The following ERG variants were observed in gnomAD, a reference collection of about 807,000 sequenced individuals.
ERG encodes ETS transcription factor ERG, also known as transcriptional regulator ERG.
In ERG, 9 loss-of-function variants were observed where a neutral mutation model predicts 55.3. The ratio of observed to expected loss-of-function variants is 0.16; its 90% CI spans 0.10 to 0.28. The LOEUF (loss-of-function observed/expected upper bound fraction) is 0.28, where lower values mean the gene tolerates loss of function less well. ERG is among the 10% of genes least tolerant of loss of function. ERG has a pLI of 1.00. For missense variants in ERG, 434 were observed against 631.6 expected (o/e 0.69, Z 3.35); for synonymous variants, 223 against 237.3 (o/e 0.94, Z 0.55).
At chr21:38,633,721 A>G (rs1031364018) in intron 1 of ERG, among the ~76,000 whole-genome samples, 3 of 152,198 alleles carry the variant, frequency 2.0e-5, no homozygotes, top group African/African-American at 7.2e-5. Context: ...GGATGAAAAT[A>G]AAAAGTAGAA....
At chr21:38,390,560 G>C (rs1225427917) in intron 9 of ERG, among the ~76,000 whole-genome samples, 2 of 152,172 alleles carry the variant, frequency 1.3e-5, no homozygotes, top group African/African-American at 4.8e-5. Flanking sequence ...GACACACACA[G>C]AGAGATGATG....
At chr21:38,636,602 C>T (rs532663903) in intron 1 of ERG, among the ~76,000 whole-genome samples, 20 of 152,204 alleles carry the variant, frequency 1.3e-4, no homozygotes, top group African/African-American at 4.8e-4. Flanking sequence ...CTATAAAAGC[C>T]GGAGGGAAGC....
chr21:38,657,487 C>T (rs905584199), intron 1 of ERG, among the ~76,000 whole-genome samples: 1 of 152,144 alleles, frequency 6.6e-6, no homozygotes, highest in Admixed American at 6.5e-5. Flanking sequence ...TTTTAGCTCA[C>T]CCTCCTTCAC....
intron 1 of ERG, among the ~76,000 whole-genome samples, chr21:38,450,220 GA>G (rs5843907): frequency 0.92 from 137,556 of 149,556 alleles, 63,289 homozygotes; most frequent in South Asian, 0.98. Flanking sequence ...AAAAAACAAA[GA>G]AAAAAAAATA....
intron 2 of ERG, among the ~76,000 whole-genome samples, chr21:38,524,534 T>A (rs1011669860): frequency 2.6e-5 from 4 of 152,230 alleles, no homozygotes; most frequent in African/African-American, 9.6e-5. Flanking sequence ...TGTTCACCAA[T>A]GAAACCTGAA....
At chr21:38,423,331 G>A (rs1268257314) in intron 3 of ERG, 79 bp downstream of exon 3, 2 of 1,455,160 alleles carry the variant, frequency 1.4e-6, no homozygotes, top group Non-Finnish European at 1.9e-6. Context: ...ACAGGTGGGG[G>A]AGAAGAGCTC....
At chr21:38,656,953 A>G (rs1222057108) in intron 1 of ERG, among the ~76,000 whole-genome samples, 2 of 152,216 alleles carry the variant, frequency 1.3e-5, no homozygotes, top group Non-Finnish European at 2.9e-5. Context: ...AAAAGGGAGC[A>G]CATATAAGAC....
chr21:38,451,201 G>A (rs747643765), intron 1 of ERG: 12 of 509,396 alleles, frequency 2.4e-5, no homozygotes, highest in East Asian at 5.5e-5. Flanking sequence ...CCTGGATCTG[G>A]GATGGAATAA....
chr21:38,530,795 G>A lies in ERG; in HGVS notation c.-41+44867C>T, dbSNP rs564882871. Among the ~76,000 whole-genome samples, 8 of 152,280 alleles carry A rather than the reference G, an allele frequency of 5.3e-5. No homozygotes were observed. In the South Asian group the frequency reaches 1.7e-3, roughly 32 times the overall value. ...GTCTTTAAAACGTTGAAAATGTAAA[G>A]ATCTGCAAGAGCAACTGATCTTCAA... On this transcript the variant is annotated intron_variant, in intron 2 of 8. Coordinates refer to the ERG transcript ENST00000398897.
At chr21:38,575,784 C>G (rs1568925453) in intron 1 of ERG, 1 of 1,462,764 alleles carries the variant, frequency 6.8e-7, no homozygotes. Context: ...TAATAATAAA[C>G]AACTGCATTT....
chr21:38,621,446 C>T (rs2060289723), intron 1 of ERG, among the ~76,000 whole-genome samples: 1 of 152,122 alleles, frequency 6.6e-6, no homozygotes, highest in African/African-American at 2.4e-5. Context: ...TGCCCCTTGC[C>T]ATCTCCCCGC....
intron 3 of ERG, among the ~76,000 whole-genome samples, chr21:38,412,612 T>A (rs890422479): frequency 1.3e-5 from 2 of 152,214 alleles, no homozygotes; most frequent in Non-Finnish European, 2.9e-5. Flanking sequence ...ATCCATTTTT[T>A]AAATTAAATC....
intron 2 of ERG, among the ~76,000 whole-genome samples, chr21:38,528,703 C>T (rs1420140140): frequency 6.9e-6 from 1 of 144,370 alleles, no homozygotes. Flanking sequence ...CCGCCTCGGC[C>T]TCCCAAAGTG....
chr21:38,531,711 A>T (rs1385800461), intron 2 of ERG, among the ~76,000 whole-genome samples: 1 of 152,232 alleles, frequency 6.6e-6, no homozygotes, highest in Non-Finnish European at 1.5e-5. Context: ...AATTCAATTT[A>T]AAAAATCATG....
chr21:38,402,892 C>A (rs1369649536), intron 4 of ERG, among the ~76,000 whole-genome samples: 3 of 152,068 alleles, frequency 2.0e-5, no homozygotes, highest in Non-Finnish European at 4.4e-5. Flanking sequence ...CCAGGCAAAG[C>A]AATGGAGGAG....
At chr21:38,540,343 G>T in intron 2 of ERG, among the ~76,000 whole-genome samples, 1 of 152,032 alleles carries the variant, frequency 6.6e-6, no homozygotes, top group East Asian at 1.9e-4. Context: ...AAACATTTTT[G>T]TCACCCCAAA....
intron 1 of ERG, among the ~76,000 whole-genome samples, chr21:38,608,931 A>C: frequency 6.6e-6 from 1 of 152,224 alleles, no homozygotes; most frequent in Non-Finnish European, 1.5e-5. Flanking sequence ...GGATGTTTTG[A>C]AATACTCATC....
downstream of ERG, among the ~76,000 whole-genome samples, chr21:38,375,658 C>A (rs1987221232): frequency 1.3e-5 from 2 of 152,216 alleles, no homozygotes; most frequent in South Asian, 2.1e-4. Context: ...GGTGAAATCA[C>A]AACCTGTAAA....
chr21:38,468,982 C>CAAAAAAAAAAAAAAAAAAAA (rs1261630693), intron 1 of ERG, among the ~76,000 whole-genome samples: 4 of 29,028 alleles, frequency 1.4e-4, no homozygotes, highest in Admixed American at 4.0e-4. Flanking sequence ...GACTCTGTCT[C>CAAAAAAAAAAAAAAAAAAAA]AAAAAAAAAA....
Sources: allele counts gnomAD v4.1 joint callset (sites outside exome capture counted in the v4.1 genomes callset), GRCh38; gene constraint gnomAD v4.1.1; transcripts MANE v1.5; gene names NCBI Gene and HGNC (gene_info 2026-07-23, HGNC 2026-07-21).